Variants in PAPSS2 observed in about 807,000 individuals in gnomAD.
The protein encoded by PAPSS2 is 3'-phosphoadenosine 5'-phosphosulfate synthase 2.
In PAPSS2, 61 loss-of-function variants were observed where a neutral mutation model predicts 66.5. The ratio of observed to expected loss-of-function variants is 0.92; its 90% confidence interval spans 0.75 to 1.14. The LOEUF (loss-of-function observed/expected upper bound fraction) is 1.14, where lower values mean the gene tolerates loss of function less well. Among genes scored for constraint, PAPSS2 ranks in the 50% most tolerant of loss-of-function variants. The probability of loss-of-function intolerance (pLI) is 0.00; values close to 1 mark genes in which losing one functional copy is unlikely to be tolerated. For missense variants in PAPSS2, 708 were observed against 789.6 expected (o/e 0.90, Z 1.24); for synonymous variants, 289 against 287.5 (o/e 1.01, Z -0.05).
intron 1 of PAPSS2, among the ~76,000 whole-genome samples, chr10:87,706,136 GTGTGTA>G (rs201931340): frequency 0.011 from 1,384 of 126,308 alleles, 48 homozygotes; most frequent in East Asian, 0.083. Flanking sequence ...GTGTGTGTGT[GTGTGTA>G]TATATATACC....
intron 1 of PAPSS2, among the ~76,000 whole-genome samples, chr10:87,679,464 A>G (rs982876772): frequency 1.3e-5 from 2 of 152,226 alleles, no homozygotes; most frequent in African/African-American, 4.8e-5. Context: ...AAAATAATAA[A>G]TGCACAAAGT....
chr10:87,732,523 C>CA (rs563220954), intron 9 of PAPSS2, among the ~76,000 whole-genome samples: 5,196 of 135,430 alleles, frequency 0.038, 247 homozygotes, highest in African/African-American at 0.13. Context: ...GACCCTTTCT[C>CA]AAAAAAAAAA....
At chr10:87,663,106 CTTTTTTT>C (rs1184871976) in intron 1 of PAPSS2, among the ~76,000 whole-genome samples, 8 of 67,622 alleles carry the variant, frequency 1.2e-4, no homozygotes, top group South Asian at 5.7e-4. Flanking sequence ...GAAGTAGCCA[CTTTTTTT>C]TTTTTTTTTT....
intron 1 of PAPSS2, among the ~76,000 whole-genome samples, chr10:87,707,198 T>G (rs1209333684): frequency 6.6e-6 from 1 of 152,222 alleles, no homozygotes; most frequent in South Asian, 2.1e-4. Context: ...TGGGACAAGT[T>G]GATTATGACA....
At chr10:87,666,921 T>C (rs919883315) in intron 1 of PAPSS2, among the ~76,000 whole-genome samples, 2 of 152,088 alleles carry the variant, frequency 1.3e-5, no homozygotes, top group Non-Finnish European at 2.9e-5. Context: ...CAATGCCCTC[T>C]GCTTTCAGAG....
At chr10:87,678,903 T>C (rs1370653362) in intron 1 of PAPSS2, among the ~76,000 whole-genome samples, 1 of 152,178 alleles carries the variant, frequency 6.6e-6, no homozygotes, top group East Asian at 1.9e-4. Flanking sequence ...AGAACTATGA[T>C]ACAGTCCATC....
At chr10:87,718,841 T>A (rs192052328) in intron 7 of PAPSS2, among the ~76,000 whole-genome samples, 2 of 152,370 alleles carry the variant, frequency 1.3e-5, no homozygotes, top group African/African-American at 4.8e-5. Context: ...GCAACTCTTG[T>A]AAGGTGTATA....
chr10:87,741,215 C>A lies in PAPSS2; in HGVS notation c.1087-20C>A. ...GAAATCACAATTAATCATTAGCAAT[C>A]ATAACAATGTTCTTTCTAGATGGTG... On this transcript the variant is annotated intron_variant, in intron 9 of 12. Coordinates refer to ENST00000456849, the MANE Select transcript of PAPSS2 (RefSeq NM_001015880.2). 6.2e-7 allele frequency: 1 copy of A among 1,612,140 alleles called. No individual in the cohort carries two copies. The highest frequency in any genetic ancestry group is 8.5e-7 in the Non-Finnish European group (1 of 1,178,246).
intron 9 of PAPSS2, among the ~76,000 whole-genome samples, chr10:87,736,160 G>A (rs1161112416): frequency 2.6e-5 from 4 of 151,944 alleles, no homozygotes; most frequent in East Asian, 1.9e-4. Flanking sequence ...CAGTGACTAG[G>A]AGAGACACAG....
chr10:87,690,896 T>C (rs766682033), intron 1 of PAPSS2, among the ~76,000 whole-genome samples: 3 of 152,096 alleles, frequency 2.0e-5, no homozygotes, highest in Non-Finnish European at 4.4e-5. Context: ...CATACAGCAG[T>C]TGGCCACTGG....
At chr10:87,718,847 G>A (rs988675951) in intron 7 of PAPSS2, among the ~76,000 whole-genome samples, 5 of 152,220 alleles carry the variant, frequency 3.3e-5, no homozygotes, top group South Asian at 2.1e-4. Flanking sequence ...CTTGTAAGGT[G>A]TATAGATCCC....
chr10:87,714,069 A>G lies in PAPSS2; in HGVS notation c.407A>G (p.His136Arg), dbSNP rs1265587197. The change falls in exon 4 of 13, where the codon CAT becomes CGT. Residue 136 changes from histidine to arginine, a missense_variant. By Grantham distance (29) the His-to-Arg change is conservative (BLOSUM62 0). Transcript: ENST00000456849. ...GATCGTGAGAATGCCCGCAAAATACATGAATCAGCAGGGCTGCCATTCTTT... is the reference window on the plus strand; with the variant it reads ...GATCGTGAGAATGCCCGCAAAATACGTGAATCAGCAGGGCTGCCATTCTTT... ...AKDRENARKI[H>R]ESAGLPFFEI... 1.2e-6 allele frequency: 2 copies of G among 1,614,026 alleles called. No individual in the cohort carries two copies. Among genetic ancestry groups the G allele is most frequent in the Non-Finnish European group, 8.5e-7 (1 of 1,179,890 alleles).
chr10:87,675,352 G>T (rs1233593724), intron 1 of PAPSS2, among the ~76,000 whole-genome samples: 2 of 152,186 alleles, frequency 1.3e-5, no homozygotes, highest in Non-Finnish European at 2.9e-5. Context: ...GCATTAAAAA[G>T]ATTCGCATAT....
chr10:87,673,689 C>CTTTTT (rs34935261), intron 1 of PAPSS2, among the ~76,000 whole-genome samples: 50 of 67,408 alleles, frequency 7.4e-4, no homozygotes, highest in South Asian at 1.3e-3. Context: ...TTTTGGCTTA[C>CTTTTT]TTTTTTTTTT....
chr10:87,704,985 T>C (rs1174570944), intron 1 of PAPSS2, among the ~76,000 whole-genome samples: 1 of 152,236 alleles, frequency 6.6e-6, no homozygotes, highest in Non-Finnish European at 1.5e-5. Context: ...TGTGTGCGTG[T>C]ACATGGTAAA....
intron 8 of PAPSS2, among the ~76,000 whole-genome samples, chr10:87,726,170 G>A (rs1457451781): frequency 1.3e-5 from 2 of 152,188 alleles, no homozygotes; most frequent in Non-Finnish European, 2.9e-5. Context: ...GGTGGCTTAC[G>A]CCTCTTATCC....
At position 87,741,297 on chromosome 10, in the gene PAPSS2, A is replaced by T. The variant is rs761671277; in HGVS notation, c.1149A>T (p.Arg383Ser). 3.7e-6 allele frequency: 6 copies of T among 1,613,824 alleles called. No individual in the cohort carries two copies. ...ACCTTCAGGTGCTGGAGAAAATAAG[A>T]TGGAATGATGGGCTGGACCAATACC... ...GGDLQVLEKI[R>S]WNDGLDQYRL... The change falls in exon 10 of 13, where the codon AGA (arginine) becomes AGT (serine). Residue 383 changes from arginine (R) to serine (S), a missense_variant. Transcript: ENST00000456849.
intron 11 of PAPSS2, among the ~76,000 whole-genome samples, chr10:87,744,656 A>T (rs1564730324): frequency 6.6e-6 from 1 of 152,252 alleles, no homozygotes; most frequent in Admixed American, 6.5e-5. Flanking sequence ...TTTCCTTTAA[A>T]CTGCAATTTA....
intron 1 of PAPSS2, among the ~76,000 whole-genome samples, chr10:87,702,021 C>A (rs1203609774): frequency 6.6e-6 from 1 of 152,068 alleles, no homozygotes; most frequent in Non-Finnish European, 1.5e-5. Flanking sequence ...TTTTGATACT[C>A]AATAATTTCA....
Sources: allele counts gnomAD v4.1 joint callset (sites outside exome capture counted in the v4.1 genomes callset), GRCh38; gene constraint gnomAD v4.1.1; transcripts MANE v1.5; gene names NCBI Gene and HGNC (gene_info 2026-07-23, HGNC 2026-07-21).